The following HMCN1 variants were observed in gnomAD, a reference collection of about 807,000 sequenced individuals.
The protein encoded by HMCN1 is hemicentin 1.
HMCN1 carries 321 observed loss-of-function variants against 625.9 expected under a neutral mutation model. The observed-to-expected ratio is 0.51, with a 90% CI of 0.47 to 0.56. The LOEUF (loss-of-function observed/expected upper bound fraction) is 0.56, where lower values mean the gene tolerates loss of function less well. HMCN1 is among the 20% of genes least tolerant of loss of function. HMCN1 has a pLI of 0.00. For missense variants in HMCN1, 6,588 were observed against 6,887.3 expected (o/e 0.96, Z 1.54); for synonymous variants, 2,425 against 2,417.6 (o/e 1.00, Z -0.09).
At chr1:186,073,070 G>A (rs1423881250) in intron 52 of HMCN1, among the ~76,000 whole-genome samples, 1 of 152,174 alleles carries the variant, frequency 6.6e-6, no homozygotes, top group Non-Finnish European at 1.5e-5. Context: ...GTGTAGGAAG[G>A]AGATCAAATA....
At chr1:186,106,744 G>A (rs1478590975) in intron 69 of HMCN1, 140 bp from the exon 70 acceptor site, 5 of 692,018 alleles carry the variant, frequency 7.2e-6, no homozygotes, top group Non-Finnish European at 1.3e-5. Context: ...CTATCAGAGT[G>A]CTAATCGTAG....
intron 93 of HMCN1, among the ~76,000 whole-genome samples, chr1:186,147,755 T>C (rs1381022825): frequency 6.6e-6 from 1 of 152,044 alleles, no homozygotes; most frequent in East Asian, 1.9e-4. Flanking sequence ...TAAAAAACAA[T>C]GCACATACTT....
At chr1:185,770,844 A>G (rs1171716584) in intron 1 of HMCN1, among the ~76,000 whole-genome samples, 2 of 152,216 alleles carry the variant, frequency 1.3e-5, no homozygotes, top group African/African-American at 2.4e-5. Context: ...GCAGGGCCTT[A>G]TTAAGGCAGT....
intron 45 of HMCN1, among the ~76,000 whole-genome samples, 197 bp from the exon 46 acceptor site, chr1:186,057,037 A>T (rs867767701): frequency 9.8e-4 from 133 of 136,378 alleles, no homozygotes; most frequent in Middle Eastern, 3.6e-3. Context: ...AATGTCACAC[A>T]CACACACACA....
intron 40 of HMCN1, among the ~76,000 whole-genome samples, chr1:186,041,352 A>G (rs758769910): frequency 1.3e-5 from 2 of 152,140 alleles, no homozygotes; most frequent in Non-Finnish European, 2.9e-5. Flanking sequence ...GCACACATCC[A>G]GCATGTAGGG....
rs548297330 is a variant in HMCN1 at position 186,157,868 on chromosome 1, C to A, written c.15256+3881C>A. ...TTGGACATTTGGGTTGGTTCCAAGT[C>A]TTTGCTATTGTGAATAGTGCTGCAA... is the stretch of plus-strand genomic sequence containing the variant. On this transcript the variant is annotated intron_variant, in intron 97 of 106. Transcript: ENST00000271588. Among the ~76,000 whole-genome samples, 461 of 152,182 alleles carry A rather than the reference C, an allele frequency of 3.0e-3. 2 individuals carry two copies. The highest frequency in any genetic ancestry group is 0.01 in the African/African-American group (434 of 41,490).
intron 6 of HMCN1, among the ~76,000 whole-genome samples, chr1:185,919,246 G>A (rs193234574): frequency 4.2e-4 from 64 of 152,028 alleles, no homozygotes; most frequent in African/African-American, 1.4e-3. Context: ...GTGTCATTTG[G>A]TTCTCCTCTA....
chr1:186,187,401 T>C (rs1653402563), intron 105 of HMCN1, among the ~76,000 whole-genome samples: 1 of 152,178 alleles, frequency 6.6e-6, no homozygotes, highest in African/African-American at 2.4e-5. Context: ...ACTCCTTTCA[T>C]ATCTAAGACC....
chr1:185,868,400 CAT>C (rs975702757), intron 4 of HMCN1, among the ~76,000 whole-genome samples: 5 of 152,150 alleles, frequency 3.3e-5, no homozygotes, highest in African/African-American at 7.2e-5. Flanking sequence ...ATAATCCCCA[CAT>C]GTCATTGGAG....
chr1:186,175,876 C>CAAAAAAAAAAAAAAAAAAAAAAAAAAAAA, intron 103 of HMCN1, among the ~76,000 whole-genome samples: 1 of 76,198 alleles, frequency 1.3e-5, no homozygotes, highest in Non-Finnish European at 2.6e-5. Flanking sequence ...AACTATGTCT[C>CAAAAAAAAAAAAAAAAAAAAAAAAAAAAA]AAAAAAAAAA....
chr1:185,754,793 A>T (rs1655030957), intron 1 of HMCN1, among the ~76,000 whole-genome samples: 1 of 152,254 alleles, frequency 6.6e-6, no homozygotes, highest in Middle Eastern at 3.4e-3. Flanking sequence ...GGTTGCAGTG[A>T]GCCATAATTG....
chr1:186,140,252 T>C (rs1649869089), intron 89 of HMCN1, among the ~76,000 whole-genome samples: 2 of 152,198 alleles, frequency 1.3e-5, no homozygotes, highest in Non-Finnish European at 2.9e-5. Context: ...CAAGATCCGA[T>C]CCACGATCAC....
intron 78 of HMCN1, 146 bp downstream of exon 78, chr1:186,119,444 A>G (rs985627693): frequency 1.3e-5 from 10 of 751,386 alleles, no homozygotes; most frequent in Admixed American, 2.2e-5. Context: ...GATACTTTTA[A>G]TAGGCTAAAA....
At chr1:185,986,839 A>AAAAAC (rs1652025588) in intron 19 of HMCN1, among the ~76,000 whole-genome samples, 1 of 150,150 alleles carries the variant, frequency 6.7e-6, no homozygotes, top group Non-Finnish European at 1.5e-5. Flanking sequence ...AAAAAAAAAA[A>AAAAAC]AAAAATTAAT....
At chr1:185,991,607 T>A (rs1652428092) in intron 22 of HMCN1, among the ~76,000 whole-genome samples, 1 of 152,222 alleles carries the variant, frequency 6.6e-6, no homozygotes, top group African/African-American at 2.4e-5. Context: ...TCTACTATTA[T>A]ACAAAGGGAT....
intron 93 of HMCN1, among the ~76,000 whole-genome samples, chr1:186,146,399 A>G (rs1029610766): frequency 2.6e-5 from 4 of 152,194 alleles, no homozygotes; most frequent in African/African-American, 7.2e-5. Context: ...AAGTGATGTA[A>G]AAATTCAGAA....
At chr1:186,163,576 T>C (rs1651672489) in intron 97 of HMCN1, among the ~76,000 whole-genome samples, 1 of 152,160 alleles carries the variant, frequency 6.6e-6, no homozygotes, top group Admixed American at 6.6e-5. Flanking sequence ...AAGCAACTCT[T>C]AGTAATGTTC....
At chr1:186,114,260 T>A in intron 73 of HMCN1, 137 bp downstream of exon 73, 1 of 962,670 alleles carries the variant, frequency 1.0e-6, no homozygotes, top group East Asian at 2.7e-5. Flanking sequence ...AAATTTAGTA[T>A]TTTATTATTT....
chr1:185,949,257 G>C lies in HMCN1; in HGVS notation c.1829-13261G>C, dbSNP rs189442933. On this transcript the variant is annotated intron_variant, in intron 11 of 106. Transcript: ENST00000271588. ...AGGGCATGTATGAGTAGTTGAGAAC[G>C]GTGAATATGAGTATGACTAGACAGA... is the stretch of plus-strand genomic sequence containing the variant. 1.2e-4 allele frequency among the ~76,000 whole-genome samples: 18 copies of C among 151,698 alleles called. 1 individual carries two copies. The highest frequency in any genetic ancestry group is 4.4e-4 in the African/African-American group (18 of 41,076).
Sources: allele counts gnomAD v4.1 joint callset (sites outside exome capture counted in the v4.1 genomes callset), GRCh38; gene constraint gnomAD v4.1.1; transcripts MANE v1.5; gene names NCBI Gene and HGNC (gene_info 2026-07-23, HGNC 2026-07-21).